ANO1: variants seen among roughly 807,000 people sequenced by gnomAD.
The protein encoded by ANO1 is anoctamin-1.
In ANO1, 59 loss-of-function variants were observed where a neutral mutation model predicts 124.0. The ratio of observed to expected loss-of-function variants is 0.48; its 90% CI spans 0.39 to 0.59. ANO1 has a LOEUF of 0.59. ANO1 is among the 20% of genes least tolerant of loss of function. The pLI, the probability that ANO1 is intolerant of heterozygous loss-of-function variation, is 0.00. For missense variants in ANO1, 1,059 were observed against 1,328.0 expected, an observed-to-expected ratio of 0.80 and a Z score of 3.15; for synonymous variants, 529 against 532.0, an observed-to-expected ratio of 0.99 and a Z score of 0.08.
At position 70,188,148 on chromosome 11, in the gene ANO1, T is replaced by G. The variant is rs2049216620; in HGVS notation, c.*144T>G. 2 of 930,156 alleles carry G rather than the reference T, an allele frequency of 2.2e-6. No homozygotes were observed. The highest frequency in any genetic ancestry group is 3.5e-5 in the South Asian group (2 of 56,400). 57.6% of individuals were successfully genotyped at this position (930,156 alleles called of 1,614,324 possible). A position where few individuals can be genotyped will look rare whatever the true frequency, so the allele number is the denominator to read the frequency against. Reference sequence around the variant, plus strand: ...TGGAGGACCACTTTCTGATAGGACATTTTCCTTTCTTCTTTCTGTTTTCTT... The same window carrying G: ...TGGAGGACCACTTTCTGATAGGACAGTTTCCTTTCTTCTTTCTGTTTTCTT... On this transcript the variant is annotated 3_prime_UTR_variant, in exon 26 of 26. Coordinates refer to ENST00000355303, the MANE Select transcript of ANO1 (RefSeq NM_018043.7).
chr11:70,134,960 T>C (rs769680162), intron 11 of ANO1, among the ~76,000 whole-genome samples: 5 of 152,158 alleles, frequency 3.3e-5, no homozygotes, highest in Non-Finnish European at 7.4e-5. Context: ...GTGTGCTGGC[T>C]CAGAGGAATC....
chr11:70,114,858 G>T (rs2045918089), intron 7 of ANO1, among the ~76,000 whole-genome samples: 1 of 152,154 alleles, frequency 6.6e-6, no homozygotes, highest in Non-Finnish European at 1.5e-5. Context: ...AGTTGTGTGT[G>T]GGTAAGAGTC....
intron 22 of ANO1, among the ~76,000 whole-genome samples, chr11:70,177,686 G>GCC (rs2048775070): frequency 8.3e-6 from 1 of 119,870 alleles, no homozygotes; most frequent in Admixed American, 1.2e-4. Flanking sequence ...TGCAACCTCC[G>GCC]CCCCCCGGGT....
chr11:69,975,302 C>A, the ANO1 span, among the ~76,000 whole-genome samples: 5 of 152,344 alleles, frequency 3.3e-5, no homozygotes, highest in Admixed American at 2.6e-4. Context: ...AGTGGGGGAT[C>A]CCCCAGATGG....
At chr11:70,078,990 G>C (rs1201071789) in intron 1 of ANO1, among the ~76,000 whole-genome samples, 6 of 152,056 alleles carry the variant, frequency 3.9e-5, no homozygotes, top group Non-Finnish European at 8.8e-5. Context: ...CGGCCTCGGA[G>C]CTCTGCGGCC....
At chr11:70,163,703 G>A (rs1318956515) in intron 19 of ANO1, 9 of 491,354 alleles carry the variant, frequency 1.8e-5, no homozygotes, top group Admixed American at 3.9e-5. Flanking sequence ...TTGGGAGGCC[G>A]AGACTCGTGG....
chr11:70,131,843 C>G, intron 10 of ANO1, 76 bp from the exon 11 acceptor site: 1 of 1,511,660 alleles, frequency 6.6e-7, no homozygotes, highest in Admixed American at 2.0e-5. Context: ...CGCTTTCTCC[C>G]AGGCCAGCTC....
At chr11:70,109,919 A>G (rs1173331181) in intron 6 of ANO1, among the ~76,000 whole-genome samples, 1 of 151,692 alleles carries the variant, frequency 6.6e-6, no homozygotes, top group East Asian at 1.9e-4. Flanking sequence ...CTGCTTCACC[A>G]TGACACCTTG....
rs147498487 is a variant in ANO1 at position 70,132,970 on chromosome 11, T to C, written c.1258+891T>C. Among the ~76,000 whole-genome samples, 1,142 of 152,036 alleles carry C rather than the reference T, an allele frequency of 7.5e-3. 5 individuals are homozygous for C. The highest frequency in any genetic ancestry group is 0.013 in the South Asian group (62 of 4,800). On this transcript the variant is annotated intron_variant, in intron 11 of 25. Transcript: ENST00000355303. Reference sequence around the variant, plus strand: ...GTTCAGGAGGGCTTTCTGGAAGAGGTGTGAGGCCCTTCAGATGAGTTGACA... The same window carrying C: ...GTTCAGGAGGGCTTTCTGGAAGAGGCGTGAGGCCCTTCAGATGAGTTGACA...
At chr11:70,131,895 C>T in intron 10 of ANO1, 24 bp from the exon 11 acceptor site, 2 of 1,595,332 alleles carry the variant, frequency 1.3e-6, no homozygotes, top group South Asian at 1.1e-5. Flanking sequence ...CAAGGTGACT[C>T]CAGGGCTGCC....
intron 19 of ANO1, 98 bp from the exon 20 acceptor site, chr11:70,165,372 G>T: frequency 2.0e-6 from 2 of 992,856 alleles, no homozygotes; most frequent in South Asian, 1.4e-5. Flanking sequence ...TTTGGAGGAC[G>T]CAGGTCAACC....
Position 70,116,472 on chromosome 11 carries a change from T to G in ANO1, c.870T>G (p.Gly290=), listed in dbSNP as rs1445570168. 2 of 1,599,458 alleles carry G rather than the reference T, an allele frequency of 1.3e-6. No homozygotes were observed. Among genetic ancestry groups the G allele is most frequent in the East Asian group, 4.5e-5 (2 of 44,364 alleles). Residue 290 remains glycine (G), a synonymous_variant, in exon 8 of 26, where the codon GGT becomes GGG. Transcript: ENST00000355303. ...AYPLHDGDYN[G]ENVEFNDRKL... ...TTTTTTAACAGGGAGACTACAACGG[T>G]GAAAACGTCGAGTTCAACGACAGAA...
intron 1 of ANO1, among the ~76,000 whole-genome samples, chr11:70,045,398 G>A (rs1857243381): frequency 6.6e-6 from 1 of 152,200 alleles, no homozygotes; most frequent in African/African-American, 2.4e-5. Flanking sequence ...CTGCCAGGAT[G>A]TTAAGAAGCT....
Position 70,104,864 on chromosome 11 carries a change from C to T in ANO1, c.692+714C>T, listed in dbSNP as rs544404450. Among the ~76,000 whole-genome samples, 6 of 152,200 alleles carry T rather than the reference C, an allele frequency of 3.9e-5. No individual in the cohort carries two copies. In the South Asian group the frequency reaches 1.0e-3, roughly 26 times the overall value. ...GGCATGGAAAAGCAGACAGGGAGGA[C>T]GAACAGGTGCCTCAGCTCACAGGGG... On this transcript the variant is annotated intron_variant, in intron 4 of 25. Coordinates refer to ENST00000355303, the MANE Select transcript of ANO1 (RefSeq NM_018043.7).
intron 8 of ANO1, among the ~76,000 whole-genome samples, chr11:70,119,755 G>A (rs2046175897): frequency 6.6e-6 from 1 of 151,480 alleles, no homozygotes; most frequent in African/African-American, 2.4e-5. Flanking sequence ...TTGGATAGGT[G>A]GATGATAGAT....
chr11:70,067,860 C>T (rs868924101), intron 1 of ANO1, among the ~76,000 whole-genome samples: 3 of 152,186 alleles, frequency 2.0e-5, no homozygotes, highest in South Asian at 2.1e-4. Flanking sequence ...CAAAGTCTTC[C>T]GGAATTGACC....
intron 22 of ANO1, among the ~76,000 whole-genome samples, chr11:70,174,010 A>G (rs1333453864): frequency 6.7e-6 from 1 of 150,018 alleles, no homozygotes; most frequent in Non-Finnish European, 1.5e-5. Flanking sequence ...ATCTCGGCTC[A>G]CTGCAAACTC....
At chr11:70,012,691 TCATCCATCCATCCATCCATCCATTATTC>T (rs1856621886) in intron 1 of ANO1, among the ~76,000 whole-genome samples, 1 of 150,760 alleles carries the variant, frequency 6.6e-6, no homozygotes, top group Non-Finnish European at 1.5e-5. Flanking sequence ...GTCCTTTCCT[TCATCCATCCATCCATCCATCCATTATTC>T]CATCCATCCA....
intron 1 of ANO1, among the ~76,000 whole-genome samples, chr11:70,055,215 C>T (rs1011978092): frequency 1.3e-5 from 2 of 151,972 alleles, no homozygotes; most frequent in South Asian, 2.1e-4. Context: ...TATGTATATT[C>T]AGTAATTTTT....
Sources: gnomAD v4.1 joint callset for allele counts (sites outside exome capture counted in the v4.1 genomes callset) on GRCh38, gnomAD v4.1.1 for gene constraint, MANE v1.5 for transcripts, NCBI Gene and HGNC (gene_info 2026-07-23, HGNC 2026-07-21) for gene names.